Variants in HSD17B3 observed in about 807,000 individuals in gnomAD.
The protein encoded by HSD17B3 is hydroxysteroid 17-beta dehydrogenase 3, also known as 17-beta-hydroxysteroid dehydrogenase type 3.
HSD17B3 carries 29 observed loss-of-function variants against 41.1 expected under a neutral mutation model. The ratio of observed to expected loss-of-function variants is 0.71; its 90% CI spans 0.53 to 0.96. The LOEUF (loss-of-function observed/expected upper bound fraction) is 0.96, where lower values mean the gene tolerates loss of function less well. Among genes scored for constraint, HSD17B3 ranks in the 40% least tolerant of loss-of-function variants. HSD17B3 has a pLI of 0.00. For synonymous variants in HSD17B3, 126 were observed against 145.6 expected, an observed-to-expected ratio of 0.87 and a Z score of 0.97; for missense variants, 323 against 374.6, an observed-to-expected ratio of 0.86 and a Z score of 1.14.
chr9:96,286,118 C>A (rs560000175), intron 2 of HSD17B3, among the ~76,000 whole-genome samples: 1 of 152,098 alleles, frequency 6.6e-6, no homozygotes, highest in Non-Finnish European at 1.5e-5. Flanking sequence ...CCAAGGCGGG[C>A]AGATCACCTG....
intron 6 of HSD17B3, among the ~76,000 whole-genome samples, chr9:96,248,675 G>A (rs1288849829): frequency 1.3e-5 from 2 of 152,302 alleles, no homozygotes; most frequent in Middle Eastern, 3.4e-3. Context: ...TCCTAGTAGA[G>A]GAAGAGGGCT....
intron 10 of HSD17B3, among the ~76,000 whole-genome samples, chr9:96,236,085 C>T (rs1203787898): frequency 6.6e-6 from 1 of 151,238 alleles, no homozygotes; most frequent in Non-Finnish European, 1.5e-5. Context: ...GTTGGGATTA[C>T]AGGTGTGAGC....
chr9:96,252,081 G>C (rs1307574220), intron 4 of HSD17B3, among the ~76,000 whole-genome samples: 1 of 151,412 alleles, frequency 6.6e-6, no homozygotes, highest in Non-Finnish European at 1.5e-5. Flanking sequence ...ATATTATCTT[G>C]TTTTCTGAAT....
At position 96,279,111 on chromosome 9, in the gene HSD17B3, C is replaced by A. The variant is rs578032234; in HGVS notation, c.201+19305G>T. On this transcript the variant is annotated intron_variant, in intron 2 of 10. Coordinates refer to ENST00000375263, the MANE Select transcript of HSD17B3 (RefSeq NM_000197.2). ...GGCCATGAATGCTACTCTGCTATAC[C>A]CACAGATATTACACCTGTAAATCAA... Among the ~76,000 whole-genome samples, 21 of 152,296 alleles carry A rather than the reference C, an allele frequency of 1.4e-4. No individual in the cohort carries two copies. In the South Asian group the frequency reaches 4.2e-3, roughly 30 times the overall value.
At chr9:96,246,859 G>C (rs1198417624) in intron 6 of HSD17B3, among the ~76,000 whole-genome samples, 1 of 152,162 alleles carries the variant, frequency 6.6e-6, no homozygotes, top group Non-Finnish European at 1.5e-5. Flanking sequence ...TGGAAAATGA[G>C]GGCAGTGAAA....
At chr9:96,272,088 G>T (rs1169261495) in intron 2 of HSD17B3, among the ~76,000 whole-genome samples, 1 of 151,636 alleles carries the variant, frequency 6.6e-6, no homozygotes, top group African/African-American at 2.4e-5. Context: ...ACATATATAG[G>T]TCAGGCACGG....
chr9:96,252,335 G>C (rs1301254581), intron 4 of HSD17B3, among the ~76,000 whole-genome samples: 1 of 152,070 alleles, frequency 6.6e-6, no homozygotes, highest in African/African-American at 2.4e-5. Flanking sequence ...ACGAGGTCAG[G>C]AGTTTGAGAC....
chr9:96,254,715 C>T (rs1456205698), intron 3 of HSD17B3, among the ~76,000 whole-genome samples, 153 bp downstream of exon 3: 3 of 152,208 alleles, frequency 2.0e-5, no homozygotes, highest in Admixed American at 6.5e-5. Context: ...CCTTCTATCC[C>T]GCCCTCTGCT....
chr9:96,264,813 A>G (rs1825994434), intron 2 of HSD17B3, among the ~76,000 whole-genome samples: 1 of 152,220 alleles, frequency 6.6e-6, no homozygotes, highest in Non-Finnish European at 1.5e-5. Flanking sequence ...CTTGTCTATA[A>G]AAGCTTATTT....
At chr9:96,270,936 G>C (rs35427805) in intron 2 of HSD17B3, among the ~76,000 whole-genome samples, 16,836 of 121,064 alleles carry the variant, frequency 0.14, 1,313 homozygotes, top group East Asian at 0.38. Flanking sequence ...GTAGTGAGAA[G>C]ATCTCTCAAA....
At chr9:96,235,943 C>T (rs1170680469) in intron 10 of HSD17B3, among the ~76,000 whole-genome samples, 2 of 151,938 alleles carry the variant, frequency 1.3e-5, no homozygotes, top group African/African-American at 4.8e-5. Flanking sequence ...GTAGCTGGTA[C>T]CATAAGAGTG....
chr9:96,262,800 T>G (rs988262160), intron 2 of HSD17B3, among the ~76,000 whole-genome samples: 3 of 152,218 alleles, frequency 2.0e-5, no homozygotes, highest in African/African-American at 4.8e-5. Context: ...ATTCCTTTTC[T>G]TTTGTTTTGA....
chr9:96,241,985 G>GAAAGAAAGAAAGAAAGAAAGAAAGAAAT (rs1191977168), intron 9 of HSD17B3, among the ~76,000 whole-genome samples: 1 of 116,588 alleles, frequency 8.6e-6, no homozygotes, highest in East Asian at 2.5e-4. Context: ...AAGAAAGAAA[G>GAAAGAAAGAAAGAAAGAAAGAAAGAAAT]AAAGAAAGAA....
intron 5 of HSD17B3, 91 bp from the exon 6 acceptor site, chr9:96,249,877 A>C: frequency 6.2e-7 from 1 of 1,610,192 alleles, no homozygotes. Context: ...TGAAGTGGGC[A>C]AAAGTGCATG....
intron 2 of HSD17B3, among the ~76,000 whole-genome samples, chr9:96,275,450 C>T (rs780862269): frequency 5.9e-5 from 9 of 152,096 alleles, no homozygotes; most frequent in Non-Finnish European, 1.0e-4. Context: ...CATGATGGCA[C>T]ACACCTGTGG....
chr9:96,277,282 T>C (rs1826502463), intron 2 of HSD17B3, among the ~76,000 whole-genome samples: 1 of 151,894 alleles, frequency 6.6e-6, no homozygotes, highest in Admixed American at 6.6e-5. Context: ...AAAGGTAACC[T>C]ACAAAATGGA....
chr9:96,299,061 G>A (rs974764746), intron 1 of HSD17B3, among the ~76,000 whole-genome samples: 4 of 152,192 alleles, frequency 2.6e-5, no homozygotes, highest in African/African-American at 9.7e-5. Context: ...AGAACTATCT[G>A]TTAATATACA....
Position 96,242,003 on chromosome 9 carries a change from AAG to A in HSD17B3, c.673-1098_673-1097del, listed in dbSNP as rs368774669. On this transcript the variant is annotated intron_variant, in intron 9 of 10. Coordinates refer to ENST00000375263, the MANE Select transcript of HSD17B3 (RefSeq NM_000197.2). ...AAAGAAAGAAAGAAAGAAAGAAAGA[AAG>A]AGAAAGAAAAGAAAGAAAAGAAAAA... Among the ~76,000 whole-genome samples, 677 of 135,524 alleles carry A rather than the reference AAG, an allele frequency of 5.0e-3. 8 individuals carry two copies. Among genetic ancestry groups the A allele is most frequent in the African/African-American group, 0.017 (617 of 35,370 alleles). The allele number at this position is 135,524 out of a possible 152,430, so 88.9% of individuals were successfully genotyped here.
intron 4 of HSD17B3, 146 bp downstream of exon 4, chr9:96,252,657 G>A (rs1171483771): frequency 2.9e-6 from 2 of 680,720 alleles, no homozygotes; most frequent in African/African-American, 1.8e-5. Context: ...GAAGAAGTGT[G>A]CTTTGATATT....
Sources: gnomAD v4.1 joint callset for allele counts (sites outside exome capture counted in the v4.1 genomes callset) on GRCh38, gnomAD v4.1.1 for gene constraint, MANE v1.5 for transcripts, NCBI Gene and HGNC (gene_info 2026-07-23, HGNC 2026-07-21) for gene names.